RYR2: variants seen among roughly 807,000 people sequenced by gnomAD.
RYR2 encodes cardiac muscle ryanodine receptor-calcium release channel.
Under a neutral mutation model 601.1 loss-of-function variants are expected in RYR2, and 227 were observed. The observed-to-expected ratio is 0.38, with a 90% CI of 0.34 to 0.42. The LOEUF is 0.42. Ranked by LOEUF, RYR2 falls within the 10% of genes least tolerant of loss-of-function variation. The pLI is 1.00. For missense variants in RYR2, 4,646 were observed against 6,156.5 expected, an observed-to-expected ratio of 0.75 and a Z score of 8.21; for synonymous variants, 2,223 against 2,175.1, an observed-to-expected ratio of 1.02 and a Z score of -0.61.
Position 237,643,582 on chromosome 1 carries a change from T to A in RYR2, c.7342+135T>A, listed in dbSNP as rs1012455416. The A allele has an allele frequency of 6.8e-5, 58 of 858,376 alleles. No homozygotes were observed. The South Asian group carries it at 1.3e-3, about 19-fold the overall frequency. The allele number at this position is 858,376 out of a possible 1,614,324, so 53.2% of individuals were successfully genotyped here. A position where few individuals can be genotyped will look rare whatever the true frequency, so the allele number is the denominator to read the frequency against. The stretch of plus-strand genomic sequence containing the variant: ...TGTATACTACTTAAATTAGTTTTTT[T>A]AAAAAAGCTGTAAAGTATATATTTT... On this transcript the variant is annotated intron_variant, in intron 48 of 104. Coordinates refer to ENST00000366574, the MANE Select transcript of RYR2 (RefSeq NM_001035.3).
intron 54 of RYR2, 118 bp from the exon 55 acceptor site, chr1:237,659,867 C>G: frequency 1.8e-6 from 1 of 555,896 alleles, no homozygotes; most frequent in Non-Finnish European, 3.1e-6. Context: ...TCAATCTTAA[C>G]CCTTACCTTA....
intron 102 of RYR2, among the ~76,000 whole-genome samples, chr1:237,828,646 A>G (rs1303237140): frequency 2.6e-5 from 4 of 152,242 alleles, no homozygotes; most frequent in Admixed American, 6.5e-5. Context: ...CGCCACATGC[A>G]TGCAAACAGC....
intron 17 of RYR2, among the ~76,000 whole-genome samples, chr1:237,470,374 A>G (rs982299836): frequency 2.6e-5 from 4 of 152,344 alleles, no homozygotes; most frequent in African/African-American, 9.6e-5. Flanking sequence ...AGACAGAGAA[A>G]CAACCATGAT....
intron 62 of RYR2, among the ~76,000 whole-genome samples, chr1:237,686,540 G>A (rs1177759353): frequency 6.6e-6 from 1 of 152,064 alleles, no homozygotes; most frequent in Non-Finnish European, 1.5e-5. Context: ...GTAGATGGGA[G>A]GATAGCATGG....
intron 1 of RYR2, among the ~76,000 whole-genome samples, chr1:237,092,372 A>G (rs538539345): frequency 9.2e-5 from 14 of 152,244 alleles, no homozygotes; most frequent in Admixed American, 6.5e-4. Flanking sequence ...ACCCTCTGCT[A>G]TCTTCTCAGG....
chr1:237,319,958 G>T (rs1695470322), intron 2 of RYR2, among the ~76,000 whole-genome samples: 1 of 152,142 alleles, frequency 6.6e-6, no homozygotes, highest in South Asian at 2.1e-4. Flanking sequence ...TTGACAAGGT[G>T]GCACAGCTAC....
intron 72 of RYR2, among the ~76,000 whole-genome samples, chr1:237,717,864 G>A (rs1473586532): frequency 6.6e-6 from 1 of 152,140 alleles, no homozygotes; most frequent in African/African-American, 2.4e-5. Flanking sequence ...TCATAGCTAT[G>A]CAAATGAGGA....
At chr1:237,209,507 G>A (rs897355597) in intron 1 of RYR2, among the ~76,000 whole-genome samples, 2 of 150,828 alleles carry the variant, frequency 1.3e-5, no homozygotes, top group African/African-American at 4.9e-5. Flanking sequence ...ATGTGTGTGT[G>A]TGTGTGTATT....
At chr1:237,113,852 A>G (rs1360540786) in intron 1 of RYR2, among the ~76,000 whole-genome samples, 1 of 152,346 alleles carries the variant, frequency 6.6e-6, no homozygotes, top group East Asian at 1.9e-4. Context: ...ATCACACAAG[A>G]ATAAAACTGT....
chr1:237,525,639 CG>C (rs1553484809), intron 24 of RYR2, among the ~76,000 whole-genome samples: 2 of 151,762 alleles, frequency 1.3e-5, no homozygotes, highest in South Asian at 4.2e-4. Flanking sequence ...TTAGTAGAGA[CG>C]GGGTTTCACC....
chr1:237,359,880 G>A (rs936535816), intron 4 of RYR2, among the ~76,000 whole-genome samples: 1 of 152,110 alleles, frequency 6.6e-6, no homozygotes, highest in African/African-American at 2.4e-5. Context: ...CTATACCATT[G>A]GTTTCCAATG....
At chr1:237,805,453 C>T (rs577875468) in intron 98 of RYR2, among the ~76,000 whole-genome samples, 6 of 151,832 alleles carry the variant, frequency 4.0e-5, no homozygotes, top group East Asian at 2.0e-4. Context: ...TGGTGGCGGA[C>T]GCTTGTAGTC....
At chr1:237,280,781 G>T (rs1407633320) in intron 2 of RYR2, among the ~76,000 whole-genome samples, 23 of 143,704 alleles carry the variant, frequency 1.6e-4, no homozygotes, top group Admixed American at 9.8e-4. Flanking sequence ...CTTCTTACTG[G>T]TTTTTTTTTT....
chr1:237,502,126 C>T (rs935064182), intron 21 of RYR2, among the ~76,000 whole-genome samples: 2 of 152,028 alleles, frequency 1.3e-5, no homozygotes, highest in Non-Finnish European at 2.9e-5. Flanking sequence ...TCACTGCACC[C>T]CTGCCTGAAC....
At chr1:237,767,755 A>T (rs1301823554) in intron 84 of RYR2, among the ~76,000 whole-genome samples, 2 of 152,212 alleles carry the variant, frequency 1.3e-5, no homozygotes, top group Admixed American at 1.3e-4. Flanking sequence ...AACTTCCCAC[A>T]TGGAATAAAA....
intron 34 of RYR2, among the ~76,000 whole-genome samples, 170 bp from the exon 35 acceptor site, chr1:237,601,855 C>T (rs1332655177): frequency 2.6e-5 from 4 of 152,116 alleles, no homozygotes; most frequent in Non-Finnish European, 4.4e-5. Context: ...AAGCAGTGTT[C>T]ACATAGTAAT....
intron 2 of RYR2, among the ~76,000 whole-genome samples, chr1:237,308,834 T>C (rs568908493): frequency 8.2e-4 from 125 of 152,336 alleles, no homozygotes; most frequent in African/African-American, 2.9e-3. Context: ...TATTCCCTTA[T>C]CTGGCCCCAC....
intron 25 of RYR2, among the ~76,000 whole-genome samples, chr1:237,540,022 T>C (rs1669082302): frequency 6.6e-6 from 1 of 151,130 alleles, no homozygotes; most frequent in Non-Finnish European, 1.5e-5. Flanking sequence ...TTTTCTTTCC[T>C]CCTGTGCCTC....
intron 84 of RYR2, among the ~76,000 whole-genome samples, chr1:237,769,931 G>A (rs1269859460): frequency 2.0e-5 from 3 of 151,586 alleles, no homozygotes; most frequent in East Asian, 1.9e-4. Flanking sequence ...TTCTTTCCTT[G>A]TGTTTTTGCT....
Sources: allele counts gnomAD v4.1 joint callset (sites outside exome capture counted in the v4.1 genomes callset), GRCh38; gene constraint gnomAD v4.1.1; transcripts MANE v1.5; gene names NCBI Gene and HGNC (gene_info 2026-07-23, HGNC 2026-07-21).